The following STK3 variants were observed in gnomAD, a reference collection of about 807,000 sequenced individuals.
STK3 encodes serine/threonine kinase 3, also known as serine/threonine-protein kinase 3.
STK3 carries 41 observed loss-of-function variants against 58.0 expected under a neutral mutation model. The ratio of observed to expected loss-of-function variants is 0.71; its 90% CI spans 0.55 to 0.92. The LOEUF is 0.92. Ranked by LOEUF, STK3 falls within the 40% of genes least tolerant of loss-of-function variation. STK3 has a pLI of 0.00. For synonymous variants in STK3, 170 were observed against 191.0 expected (o/e 0.89, Z 0.91); for missense variants, 479 against 602.7 (o/e 0.79, Z 2.15).
intron 2 of STK3, among the ~76,000 whole-genome samples, chr8:98,769,132 G>A (rs985974246): frequency 2.0e-5 from 3 of 152,226 alleles, no homozygotes; most frequent in Admixed American, 1.3e-4. Flanking sequence ...ACATACAGTA[G>A]CTTATCTTTT....
intron 7 of STK3, among the ~76,000 whole-genome samples, chr8:98,588,790 C>T (rs1185294294): frequency 3.9e-5 from 6 of 151,956 alleles, no homozygotes; most frequent in African/African-American, 1.5e-4. Flanking sequence ...GGAGGCTTTG[C>T]TCATTTCCTT....
At chr8:98,425,328 G>GACACAC (rs5893464) in intron 3 of STK3, among the ~76,000 whole-genome samples, 1 of 150,810 alleles carries the variant, frequency 6.6e-6, no homozygotes, top group South Asian at 2.1e-4. Flanking sequence ...CTCCCTCTCA[G>GACACAC]ACACACACAC....
intron 6 of STK3, among the ~76,000 whole-genome samples, chr8:98,609,180 A>G (rs1782081099): frequency 6.6e-6 from 1 of 151,064 alleles, no homozygotes; most frequent in South Asian, 2.1e-4. Flanking sequence ...CCAATAACAA[A>G]GCATATTAAG....
At chr8:98,662,485 A>G (rs1446822365) in intron 6 of STK3, among the ~76,000 whole-genome samples, 1 of 152,118 alleles carries the variant, frequency 6.6e-6, no homozygotes, top group African/African-American at 2.4e-5. Flanking sequence ...TATTAAACTT[A>G]TTTTGTCTTA....
At chr8:98,814,270 C>T (rs1399902779) in intron 1 of STK3, among the ~76,000 whole-genome samples, 1 of 151,460 alleles carries the variant, frequency 6.6e-6, no homozygotes, top group Non-Finnish European at 1.5e-5. Context: ...AGGCTGGTCT[C>T]GAACTCCTGA....
intron 8 of STK3, among the ~76,000 whole-genome samples, chr8:98,563,098 G>A (rs979912316): frequency 4.0e-5 from 6 of 151,110 alleles, no homozygotes; most frequent in Non-Finnish European, 8.8e-5. Context: ...ACTAACCTAA[G>A]TAACTTTGGA....
At chr8:98,634,857 A>G (rs1819512554) in intron 6 of STK3, among the ~76,000 whole-genome samples, 2 of 151,984 alleles carry the variant, frequency 1.3e-5, no homozygotes, top group Admixed American at 6.6e-5. Context: ...CCTGGGTCCA[A>G]GTGATTCTCC....
intron 3 of STK3, among the ~76,000 whole-genome samples, chr8:98,766,948 C>A (rs1269890790): frequency 6.6e-6 from 1 of 151,934 alleles, no homozygotes; most frequent in Non-Finnish European, 1.5e-5. Context: ...CATGGAGAAA[C>A]CCATCTCTAC....
intron 3 of STK3, among the ~76,000 whole-genome samples, chr8:98,763,302 A>C (rs1026125692): frequency 2.0e-5 from 3 of 152,218 alleles, no homozygotes; most frequent in African/African-American, 7.2e-5. Context: ...ATTCAGCAAT[A>C]AACAAAGCAG....
At chr8:98,357,487 C>G in the STK3 span, among the ~76,000 whole-genome samples, 1 of 152,218 alleles carries the variant, frequency 6.6e-6, no homozygotes, top group Non-Finnish European at 1.5e-5. Flanking sequence ...GCACACCGTA[C>G]CTCATGCTTA....
chr8:98,626,298 ACT>A (rs1818708313), intron 6 of STK3, among the ~76,000 whole-genome samples: 1 of 152,084 alleles, frequency 6.6e-6, no homozygotes, highest in South Asian at 2.1e-4. Context: ...GAAAAGAAAC[ACT>A]CTCTTCCCAA....
chr8:98,806,017 A>C (rs1036155478), intron 1 of STK3, among the ~76,000 whole-genome samples: 1 of 152,160 alleles, frequency 6.6e-6, no homozygotes, highest in Non-Finnish European at 1.5e-5. Flanking sequence ...AGCACTTGGC[A>C]CCTGCCTCAT....
intron 6 of STK3, among the ~76,000 whole-genome samples, chr8:98,700,307 T>C (rs1438734374): frequency 6.6e-6 from 1 of 152,208 alleles, no homozygotes; most frequent in Non-Finnish European, 1.5e-5. Context: ...TCCCTGACCC[T>C]TTGCACTTCC....
chr8:98,434,655 A>T (rs1187675979), intron 2 of STK3, among the ~76,000 whole-genome samples: 1 of 152,210 alleles, frequency 6.6e-6, no homozygotes, highest in African/African-American at 2.4e-5. Flanking sequence ...CAGAACAGAG[A>T]TGCAAACAAG....
At chr8:98,719,856 G>A (rs1468287789) in intron 4 of STK3, among the ~76,000 whole-genome samples, 1 of 152,212 alleles carries the variant, frequency 6.6e-6, no homozygotes, top group East Asian at 1.9e-4. Flanking sequence ...AACTGTTAAA[G>A]GTGGAGAGTG....
intron 3 of STK3, 129 bp from the exon 4 acceptor site, chr8:98,749,519 C>T (rs955522843): frequency 2.2e-6 from 1 of 458,762 alleles, no homozygotes. Context: ...TTCTATTGCA[C>T]ATCAAATTCT....
chr8:98,384,418 G>A (rs1041949682), intron 1 of STK3, among the ~76,000 whole-genome samples: 24 of 152,110 alleles, frequency 1.6e-4, no homozygotes, highest in African/African-American at 5.1e-4. Context: ...TCGTTCTTTC[G>A]TTGATTTGTT....
At chr8:98,833,105 C>T (rs1019105462) in intron 3 of STK3, among the ~76,000 whole-genome samples, 1 of 152,140 alleles carries the variant, frequency 6.6e-6, no homozygotes, top group African/African-American at 2.4e-5. Context: ...TTGGGTTACG[C>T]TTGATTTTAC....
chr8:98,545,224 T>C (rs1810603567), intron 9 of STK3, among the ~76,000 whole-genome samples: 1 of 152,188 alleles, frequency 6.6e-6, no homozygotes, highest in Admixed American at 6.5e-5. Flanking sequence ...CACAGACTAG[T>C]ATGGATAAAA....
Sources: gnomAD v4.1 joint callset for allele counts (sites outside exome capture counted in the v4.1 genomes callset) on GRCh38, gnomAD v4.1.1 for gene constraint, MANE v1.5 for transcripts, NCBI Gene and HGNC (gene_info 2026-07-23, HGNC 2026-07-21) for gene names.